Variants in ADORA1 observed in about 807,000 individuals in gnomAD.
ADORA1 encodes the protein adenosine receptor A1.
ADORA1 carries 6 observed loss-of-function variants against 19.9 expected under a neutral mutation model. The observed-to-expected ratio is 0.30, with a 90% CI of 0.17 to 0.59. ADORA1 has a LOEUF of 0.59. Among genes scored for constraint, ADORA1 ranks in the 20% least tolerant of loss-of-function variants. ADORA1 has a pLI of 0.87. For missense variants in ADORA1, 302 were observed against 439.2 expected (o/e 0.69, Z 2.79); for synonymous variants, 194 against 188.4 (o/e 1.03, Z -0.24).
At chr1:203,162,144 C>T (rs960356081) in intron 3 of ADORA1, among the ~76,000 whole-genome samples, 3 of 152,234 alleles carry the variant, frequency 2.0e-5, no homozygotes, top group Non-Finnish European at 2.9e-5. Flanking sequence ...TCCTTTCCCA[C>T]GTGTAAGGAT....
In ADORA1 at chr1:203,128,752, G is replaced by A; in HGVS notation, c.-57-33G>A. ...TGAGCTCCCTGCCCCTCCCAGACGGGTCTCCCCATCCCAGGCTTCCCTGAC... is the reference window on the plus strand; with the variant it reads ...TGAGCTCCCTGCCCCTCCCAGACGGATCTCCCCATCCCAGGCTTCCCTGAC... On this transcript the variant is annotated intron_variant, in intron 2 of 3. Coordinates refer to ENST00000337894, the MANE Select transcript of ADORA1 (RefSeq NM_000674.3). This position sits in a 1 kb window ranked among gnomAD's most constrained non-coding sequence, Gnocchi z 5.9. 6.6e-7 allele frequency: 1 copy of A among 1,513,928 alleles called. No homozygotes were observed. Among genetic ancestry groups the A allele is most frequent in the Non-Finnish European group, 8.8e-7 (1 of 1,138,580 alleles). The allele number at this position is 1,513,928 out of a possible 1,614,324, so 93.8% of individuals were successfully genotyped here.
At chr1:203,129,302 C>T (rs1654258303) in intron 3 of ADORA1, 120 bp downstream of exon 3, 4 of 1,464,896 alleles carry the variant, frequency 2.7e-6, no homozygotes, top group East Asian at 4.9e-5. Flanking sequence ...TTTGGGCCAT[C>T]GTGCTCCAGT....
Position 203,129,552 on chromosome 1 carries a change from G to GGGAAGA in ADORA1, c.341+385_341+390dup, listed in dbSNP as rs563895851. The GGGAAGA allele has an allele frequency of 3.8e-4, 81 of 215,578 alleles. No homozygotes were observed. In the South Asian group the frequency reaches 8.6e-3, roughly 23 times the overall value. The allele number at this position is 215,578 out of a possible 1,614,324, so 13.4% of individuals were successfully genotyped here. ...AATGAGCTGAGCTCTGCCAGTCCCA[G>GGGAAGA]GGAAGAGGAAGAGGAAGAGGCAGAG... On this transcript the variant is annotated intron_variant, in intron 3 of 3. Coordinates refer to ENST00000337894, the MANE Select transcript of ADORA1 (RefSeq NM_000674.3).
rs551082210 is a variant in ADORA1 at position 203,160,719 on chromosome 1, A to G, written c.342-4542A>G. Among the ~76,000 whole-genome samples the G allele has an allele frequency of 3.3e-5, 5 of 152,226 alleles. No individual in the cohort carries two copies. The East Asian group carries it at 9.7e-4, about 29-fold the overall frequency. ...CCAGCTACTCAGGAGGCTGAGGTGG[A>G]AGGATCTCTTGAGCCCAGGAGTTCG... On this transcript the variant is annotated intron_variant, in intron 3 of 3. Coordinates refer to ENST00000337894, the MANE Select transcript of ADORA1 (RefSeq NM_000674.3).
chr1:203,165,499 C>T lies in ADORA1; in HGVS notation c.580C>T (p.Leu194Phe). The change falls in exon 4 of 4, where the codon CTC becomes TTC. Residue 194 changes from leucine to phenylalanine, a missense_variant. Leu to Phe is a conservative substitution (Grantham distance 22, BLOSUM62 0). Transcript: ENST00000337894. The surrounding 1 kb of genome is among the most constrained non-coding windows in gnomAD (Gnocchi z 5.9). ...NFFVWVLPPLLLMVLIYLEVF... is the reference protein window; with the variant it reads ...NFFVWVLPPLFLMVLIYLEVF... ...CTTTGTGTGGGTGCTGCCCCCGCTT[C>T]TCCTCATGGTCCTCATCTACCTGGA... 2 of 1,613,296 alleles carry T rather than the reference C, an allele frequency of 1.2e-6. No individual in the cohort carries two copies. The highest frequency in any genetic ancestry group is 2.2e-5 in the South Asian group (2 of 90,978).
chr1:203,153,855 A>T (rs1352959905), intron 3 of ADORA1, among the ~76,000 whole-genome samples: 1 of 152,228 alleles, frequency 6.6e-6, no homozygotes, highest in African/African-American at 2.4e-5. Context: ...TGAAAGCCTT[A>T]CTTTCCTGCT....
In ADORA1 at chr1:203,166,032, A is replaced by T; in HGVS notation, c.*132A>T. 1 of 1,204,528 alleles carries T rather than the reference A, an allele frequency of 8.3e-7. No homozygotes were observed. The allele number at this position is 1,204,528 out of a possible 1,614,324, so 74.6% of individuals were successfully genotyped here. ...GGCTGGGGGCATGGGGGAGGCTCTG[A>T]AGAGATACCCACAGAGTGTGGTCCC... is the stretch of plus-strand genomic sequence containing the variant. On this transcript the variant is annotated 3_prime_UTR_variant, in exon 4 of 4. Transcript: ENST00000337894.
intron 3 of ADORA1, among the ~76,000 whole-genome samples, chr1:203,156,626 C>T (rs1424588414): frequency 1.3e-5 from 2 of 152,190 alleles, no homozygotes; most frequent in Non-Finnish European, 2.9e-5. Context: ...AAAAACCAGA[C>T]AGAGTCATCT....
chr1:203,151,144 G>T (rs1655019704), intron 3 of ADORA1, among the ~76,000 whole-genome samples: 1 of 152,210 alleles, frequency 6.6e-6, no homozygotes. Flanking sequence ...TTCCAGGCAA[G>T]CCAAGAGATA....
chr1:203,129,363 G>A, intron 3 of ADORA1, 181 bp downstream of exon 3: 1 of 859,806 alleles, frequency 1.2e-6, no homozygotes, highest in Non-Finnish European at 1.4e-6. Flanking sequence ...GAAACAGGAG[G>A]GGGATGGGTG....
At chr1:203,161,218 G>A (rs1343269914) in intron 3 of ADORA1, among the ~76,000 whole-genome samples, 2 of 152,126 alleles carry the variant, frequency 1.3e-5, no homozygotes, top group Admixed American at 6.5e-5. Context: ...CCATTGCTCC[G>A]GGGACTCAGT....
intron 3 of ADORA1, among the ~76,000 whole-genome samples, chr1:203,131,206 C>G (rs1029960231): frequency 5.9e-5 from 9 of 152,188 alleles, no homozygotes; most frequent in Non-Finnish European, 1.3e-4. Context: ...GTGAGCCCTA[C>G]TCCTGCCACT....
intron 3 of ADORA1, among the ~76,000 whole-genome samples, chr1:203,154,280 A>G (rs1461162535): frequency 6.6e-6 from 1 of 152,170 alleles, no homozygotes. Context: ...ACTCGTACCT[A>G]TACCTCTGGC....
chr1:203,142,202 A>G (rs1323400204), intron 3 of ADORA1, among the ~76,000 whole-genome samples: 1 of 152,220 alleles, frequency 6.6e-6, no homozygotes, highest in African/African-American at 2.4e-5. Context: ...CTGTTGTTAA[A>G]TAATCCAAAG....
chr1:203,163,627 T>C (rs1655440167), intron 3 of ADORA1, among the ~76,000 whole-genome samples: 1 of 152,126 alleles, frequency 6.6e-6, no homozygotes, highest in African/African-American at 2.4e-5. Flanking sequence ...AATGAAGGGA[T>C]AGAAAATGAG....
In ADORA1 at chr1:203,137,852, C is replaced by A. The variant is rs769540439; in HGVS notation, c.341+8670C>A. ...GGCAACCTCTATTTTGATCTTTATC[C>A]TTATAGATTGATTTTGGTTGTTCTT... On this transcript the variant is annotated intron_variant, in intron 3 of 3. Transcript: ENST00000337894. Among the ~76,000 whole-genome samples, 66 of 152,192 alleles carry A rather than the reference C, an allele frequency of 4.3e-4. 1 individual carries two copies. Among genetic ancestry groups the A allele is most frequent in the Non-Finnish European group, 4.9e-4 (33 of 68,006 alleles).
intron 3 of ADORA1, among the ~76,000 whole-genome samples, chr1:203,149,645 G>A (rs1264411885): frequency 6.6e-6 from 1 of 152,166 alleles, no homozygotes; most frequent in Non-Finnish European, 1.5e-5. Context: ...CGGGACCTTC[G>A]AGTGGAGACC....
chr1:203,135,408 C>T (rs1412182386), intron 3 of ADORA1, among the ~76,000 whole-genome samples: 1 of 152,068 alleles, frequency 6.6e-6, no homozygotes, highest in Admixed American at 6.6e-5. Context: ...CCTGTAATCC[C>T]AACACTTTGG....
At chr1:203,155,281 A>G (rs1045672786) in intron 3 of ADORA1, among the ~76,000 whole-genome samples, 2 of 152,088 alleles carry the variant, frequency 1.3e-5, no homozygotes, top group African/African-American at 2.4e-5. Flanking sequence ...ACCTCAAGTG[A>G]TCCACCTGCC....
Sources: gnomAD v4.1 joint callset for allele counts (sites outside exome capture counted in the v4.1 genomes callset) on GRCh38, gnomAD v4.1.1 for gene constraint, Gnocchi (gnomAD v3.1) non-coding constraint, MANE v1.5 for transcripts, NCBI Gene and HGNC (gene_info 2026-07-23, HGNC 2026-07-21) for gene names.